CD8A: variants seen among roughly 807,000 people sequenced by gnomAD.
The protein encoded by CD8A is T-cell surface glycoprotein CD8 alpha chain.
A neutral mutation model predicts 24.2 loss-of-function variants in CD8A; 25 were observed. The observed-to-expected ratio is 1.03, with a 90% CI of 0.75 to 1.44. The LOEUF is 1.44. Ranked by LOEUF, CD8A falls within the 40% of genes most tolerant of loss-of-function variation. CD8A has a pLI of 0.00. For missense variants in CD8A, 360 were observed against 319.7 expected (o/e 1.13, Z -0.96); for synonymous variants, 165 against 149.9 (o/e 1.10, Z -0.74).
chr2:86,794,772 G>T (rs1351927672), upstream of CD8A, among the ~76,000 whole-genome samples: 1 of 152,022 alleles, frequency 6.6e-6, no homozygotes, highest in Non-Finnish European at 1.5e-5. Flanking sequence ...CCCTAATGTT[G>T]CCTGTGAGGC....
chr2:86,793,917 G>A (rs1410286688), upstream of CD8A, among the ~76,000 whole-genome samples: 1 of 152,168 alleles, frequency 6.6e-6, no homozygotes. Flanking sequence ...GGGGTGGGGA[G>A]GATAAGGCAA....
upstream of CD8A, among the ~76,000 whole-genome samples, chr2:86,795,635 G>A: frequency 6.6e-6 from 1 of 152,170 alleles, no homozygotes; most frequent in Non-Finnish European, 1.5e-5. Context: ...GAGGCACCAA[G>A]AGTTTGACTC....
In CD8A at chr2:86,790,409, C is replaced by T; in HGVS notation, c.322G>A (p.Glu108Lys). 6.2e-7 allele frequency: 1 copy of T among 1,614,194 alleles called. No individual in the cohort carries two copies. The highest frequency in any genetic ancestry group is 1.1e-5 in the South Asian group (1 of 91,086). The change falls in exon 2 of 6, where the codon GAG (glutamate) becomes AAG (lysine). Residue 108 changes from glutamate (E) to lysine (K), a missense_variant. Physicochemically the swap from Glu to Lys is moderately conservative, Grantham distance 56. Transcript: ENST00000283635. Reference protein sequence around the residue: ...FVLTLSDFRRENEGYYFCSAL... With the variant: ...FVLTLSDFRRKNEGYYFCSAL... Reference sequence around the variant, plus strand: ...GAGCAGAAATAGTAGCCCTCGTTCTCTCGGCGGAAGTCGCTCAGGGTGAGG... The same window carrying T: ...GAGCAGAAATAGTAGCCCTCGTTCTTTCGGCGGAAGTCGCTCAGGGTGAGG...
chr2:86,791,493 C>G (rs748878357), upstream of CD8A: 58 of 453,820 alleles, frequency 1.3e-4, 1 homozygote, highest in Non-Finnish European at 6.6e-5. Context: ...GGCCTTTCAT[C>G]CAGCGGCTAA....
intron 2 of CD8A, among the ~76,000 whole-genome samples, chr2:86,802,065 C>A (rs1354940281): frequency 6.6e-6 from 1 of 151,950 alleles, no homozygotes; most frequent in Non-Finnish European, 1.5e-5. Context: ...AGAGACAGAG[C>A]ATTCTTCTGT....
intron 3 of CD8A, among the ~76,000 whole-genome samples, chr2:86,801,170 C>T (rs984586850): frequency 1.3e-5 from 2 of 152,100 alleles, no homozygotes; most frequent in African/African-American, 4.8e-5. Flanking sequence ...TTTGTTGAAG[C>T]CACCTAGTTT....
chr2:86,795,158 G>A (rs1673440602), upstream of CD8A, among the ~76,000 whole-genome samples: 1 of 152,132 alleles, frequency 6.6e-6, no homozygotes, highest in African/African-American at 2.4e-5. Flanking sequence ...AAGGAGCCTT[G>A]TCCCTCTCAT....
At chr2:86,789,929 G>A (rs1194678077) in intron 2 of CD8A, among the ~76,000 whole-genome samples, 179 bp from the exon 3 acceptor site, 1 of 151,554 alleles carries the variant, frequency 6.6e-6, no homozygotes, top group Non-Finnish European at 1.5e-5. Context: ...CTCGGGCCTC[G>A]GCTCAGCCCA....
chr2:86,797,037 CTTG>C (rs1192659591), intron 3 of CD8A, among the ~76,000 whole-genome samples: 1 of 152,194 alleles, frequency 6.6e-6, no homozygotes, highest in African/African-American at 2.4e-5. Context: ...CTTGGCAATA[CTTG>C]TTGTCTCAGT....
At position 86,785,798 on chromosome 2, in the gene CD8A, T is replaced by A; in HGVS notation, c.*122A>T. ...GTAATCTTTCCCACCCCGCCCCCAC[T>A]AAAATAATAATCATGAGAATGAATA... is the stretch of plus-strand genomic sequence containing the variant. On this transcript the variant is annotated 3_prime_UTR_variant, in exon 6 of 6. Transcript: ENST00000283635. 2 of 816,764 alleles carry A rather than the reference T, an allele frequency of 2.4e-6. No homozygotes were observed. Among genetic ancestry groups the A allele is most frequent in the Non-Finnish European group, 4.4e-6 (2 of 454,036 alleles). 50.6% of individuals were successfully genotyped at this position (816,764 alleles called of 1,614,324 possible).
Position 86,785,929 on chromosome 2 carries a change from T to C in CD8A, c.699A>G (p.Arg233=). 2 of 1,613,064 alleles carry C rather than the reference T, an allele frequency of 1.2e-6. No individual in the cohort carries two copies. The highest frequency in any genetic ancestry group is 2.2e-5 in the East Asian group (1 of 44,878). ...TGGCTGTTGCACAGGGTTAGACGTA[T>C]CTCGCCGAAAGGCTGGGCTTGTCTC... ...KSGDKPSLSA[R]YV is the part of the protein sequence containing the mutation. Residue 233 remains arginine, a synonymous_variant, in exon 6 of 6, where the codon AGA becomes AGG. Coordinates refer to ENST00000283635, the MANE Select transcript of CD8A (RefSeq NM_001768.7).
chr2:86,794,623 T>C (rs1201811288), upstream of CD8A, among the ~76,000 whole-genome samples: 7 of 152,212 alleles, frequency 4.6e-5, no homozygotes. Flanking sequence ...GCTGTCCTTC[T>C]TTCCTGGACT....
At chr2:86,791,414 T>A (rs573295080), upstream of CD8A, 1 of 425,464 alleles carries the variant, frequency 2.4e-6, no homozygotes, top group Non-Finnish European at 4.7e-6. Context: ...CCCCAGGAGA[T>A]TTCCATGAGA....
intron 5 of CD8A, among the ~76,000 whole-genome samples, chr2:86,786,175 G>A (rs984387278): frequency 3.3e-5 from 5 of 152,246 alleles, no homozygotes; most frequent in Non-Finnish European, 5.9e-5. Context: ...AATCCTCACA[G>A]CAGCCTTAAG....
In CD8A at chr2:86,805,339, C is replaced by T. The variant is rs557307872; in HGVS notation, c.-418+2108G>A. ...GGGTGTTTTCCTGGAAAAGGAATGA[C>T]TTGAGGAGTATGGCAACCTTGTGAG... On this transcript the variant is annotated intron_variant, in intron 2 of 8. Transcript: ENST00000409511. Among the ~76,000 whole-genome samples the T allele has an allele frequency of 5.3e-5, 8 of 152,246 alleles. No homozygotes were observed. In the South Asian group the frequency reaches 1.7e-3, roughly 32 times the overall value.
intron 3 of CD8A, among the ~76,000 whole-genome samples, chr2:86,800,492 A>C (rs534636939): frequency 6.6e-6 from 1 of 152,244 alleles, no homozygotes; most frequent in Admixed American, 6.5e-5. Flanking sequence ...ATTATATCAC[A>C]ATATTGTTTG....
At chr2:86,806,753 G>A (rs1159102308) in intron 2 of CD8A, among the ~76,000 whole-genome samples, 4 of 152,194 alleles carry the variant, frequency 2.6e-5, no homozygotes, top group African/African-American at 9.6e-5. Context: ...AAAGTCACAC[G>A]GGGAGCTTGC....
At chr2:86,802,870 C>T (rs1024773538) in intron 2 of CD8A, among the ~76,000 whole-genome samples, 9 of 152,138 alleles carry the variant, frequency 5.9e-5, no homozygotes, top group African/African-American at 4.8e-5. Flanking sequence ...CTTGGCTTCC[C>T]AAAATGCTGG....
chr2:86,808,301 G>A (rs934966715), exon 1 of CD8A: 1 of 152,232 alleles, frequency 6.6e-6, no homozygotes, highest in Non-Finnish European at 1.5e-5. Flanking sequence ...GTCGCCCGAA[G>A]GTCCCTGGCG....
Sources: gnomAD v4.1 joint callset for allele counts (sites outside exome capture counted in the v4.1 genomes callset) on GRCh38, gnomAD v4.1.1 for gene constraint, MANE v1.5 for transcripts, NCBI Gene and HGNC (gene_info 2026-07-23, HGNC 2026-07-21) for gene names.